Variants in CELF2 observed in about 807,000 individuals in gnomAD.
CELF2 encodes the protein CUG triplet repeat RNA-binding protein 2.
CELF2 carries 8 observed loss-of-function variants against 62.6 expected under a neutral mutation model. The ratio of observed to expected loss-of-function variants is 0.13; its 90% CI spans 0.07 to 0.23. CELF2 has a LOEUF of 0.23. Ranked by LOEUF, CELF2 falls within the 10% of genes least tolerant of loss-of-function variation. CELF2 has a pLI of 1.00. For missense variants in CELF2, 333 were observed against 671.0 expected, an observed-to-expected ratio of 0.50 and a Z score of 5.56; for synonymous variants, 258 against 250.0, an observed-to-expected ratio of 1.03 and a Z score of -0.30.
chr10:10,734,047 T>C, the CELF2 span, among the ~76,000 whole-genome samples: 1 of 152,238 alleles, frequency 6.6e-6, no homozygotes, highest in Non-Finnish European at 1.5e-5. Context: ...TATCAATTAC[T>C]AATTGTTCAA....
At chr10:10,467,085 A>G in the CELF2 span, among the ~76,000 whole-genome samples, 1 of 152,044 alleles carries the variant, frequency 6.6e-6, no homozygotes, top group Non-Finnish European at 1.5e-5. Context: ...AACATACCAC[A>G]ATATACCAAT....
At chr10:11,130,667 A>G (rs1052118624) in intron 1 of CELF2, among the ~76,000 whole-genome samples, 4 of 152,226 alleles carry the variant, frequency 2.6e-5, no homozygotes, top group African/African-American at 9.6e-5. Flanking sequence ...GACAGTTAGT[A>G]ATGTTGTGGG....
intron 1 of CELF2, among the ~76,000 whole-genome samples, chr10:10,848,470 G>A (rs1033471097): frequency 1.3e-5 from 2 of 152,150 alleles, no homozygotes; most frequent in African/African-American, 2.4e-5. Flanking sequence ...CCAGAAGACC[G>A]CTTCTTGGGA....
intron 2 of CELF2, among the ~76,000 whole-genome samples, chr10:11,213,907 T>C (rs770495063): frequency 1.3e-5 from 2 of 152,232 alleles, no homozygotes; most frequent in South Asian, 2.1e-4. Flanking sequence ...ACCCTTTTTC[T>C]TTTTTGGTCC....
the CELF2 span, among the ~76,000 whole-genome samples, chr10:10,542,383 G>A: frequency 4.6e-5 from 7 of 152,012 alleles, no homozygotes; most frequent in African/African-American, 7.3e-5. Context: ...AAAACACCAG[G>A]GCAAGTAGAA....
chr10:10,697,007 G>C, the CELF2 span, among the ~76,000 whole-genome samples: 1 of 152,082 alleles, frequency 6.6e-6, no homozygotes, highest in African/African-American at 2.4e-5. Context: ...TGCGATTATG[G>C]TGATTTTTAA....
intron 2 of CELF2, among the ~76,000 whole-genome samples, chr10:11,201,488 T>C (rs1412269458): frequency 6.6e-6 from 1 of 152,230 alleles, no homozygotes; most frequent in African/African-American, 2.4e-5. Flanking sequence ...TATGGAGGAC[T>C]CATATCTGCT....
the CELF2 span, among the ~76,000 whole-genome samples, chr10:10,752,594 GC>G: frequency 7.7e-6 from 1 of 130,338 alleles, no homozygotes; most frequent in African/African-American, 2.9e-5. Flanking sequence ...GGAGGCTGAG[GC>G]AGGGGAATCG....
chr10:10,768,460 C>T, the CELF2 span, among the ~76,000 whole-genome samples: 1 of 151,970 alleles, frequency 6.6e-6, no homozygotes, highest in African/African-American at 2.4e-5. Flanking sequence ...TATCCCAAGG[C>T]CCTGGAAAGA....
chr10:10,984,484 T>C (rs572091980), intron 2 of CELF2, among the ~76,000 whole-genome samples: 3 of 152,348 alleles, frequency 2.0e-5, no homozygotes, highest in Non-Finnish European at 4.4e-5. Context: ...GCCGTTTGAT[T>C]CTGACTCTAA....
chr10:11,194,004 C>T (rs2056737603), intron 2 of CELF2, among the ~76,000 whole-genome samples: 1 of 152,110 alleles, frequency 6.6e-6, no homozygotes, highest in African/African-American at 2.4e-5. Flanking sequence ...TGTTGAAACT[C>T]TCATTTTGGT....
intron 1 of CELF2, among the ~76,000 whole-genome samples, chr10:11,084,867 A>G (rs958792357): frequency 1.3e-5 from 2 of 152,222 alleles, no homozygotes; most frequent in Non-Finnish European, 2.9e-5. Context: ...TGCTAAGGTC[A>G]TCAGTATATA....
At chr10:10,894,648 C>T (rs1570438) in intron 1 of CELF2, among the ~76,000 whole-genome samples, 121,554 of 152,026 alleles carry the variant, frequency 0.8, 48,796 homozygotes, top group East Asian at 0.92. Context: ...AAGAAGGATC[C>T]ACTATGATTG....
chr10:11,274,859 TC>T lies in CELF2; in HGVS notation c.778-194del, dbSNP rs1156999644. ...TTTAAGGCAGCAGTGTTAGTGAGTT[TC>T]CCCAGTGTTTATGTTTCTTAATAGA... On this transcript the variant is annotated intron_variant, in intron 7 of 12. Coordinates refer to ENST00000633077, the MANE Select transcript of CELF2 (RefSeq NM_001326342.2). 1.4e-3 allele frequency among the ~76,000 whole-genome samples: 203 copies of T among 147,606 alleles called. 1 individual carries two copies. Among genetic ancestry groups the T allele is most frequent in the African/African-American group, 4.8e-3 (197 of 40,630 alleles).
rs372051059 is a variant in CELF2, at chr10:10,931,577, T to C, written c.89+11578T>C. ...ACACCTGGTGGCCCCTAATTCATCA[T>C]TGGGCACCACGGCACCCCTTCCAAA... On this transcript the variant is annotated intron_variant, in intron 2 of 13. Transcript: ENST00000636488. The surrounding 1 kb of genome is among the most constrained non-coding windows in gnomAD (Gnocchi z 6.1). 6.6e-6 allele frequency among the ~76,000 whole-genome samples: 1 copy of C among 152,288 alleles called. No homozygotes were observed. Among genetic ancestry groups the C allele is most frequent in the South Asian group, 2.1e-4 (1 of 4,822 alleles).
intron 1 of CELF2, among the ~76,000 whole-genome samples, chr10:11,082,448 G>A (rs1036155216): frequency 7.2e-5 from 11 of 152,268 alleles, no homozygotes; most frequent in African/African-American, 2.6e-4. Flanking sequence ...GGCTGGCCTG[G>A]GTGAGGCACT....
At chr10:11,155,930 C>T (rs2064284189) in intron 1 of CELF2, among the ~76,000 whole-genome samples, 2 of 152,136 alleles carry the variant, frequency 1.3e-5, no homozygotes, top group Admixed American at 1.3e-4. Flanking sequence ...GAGGAGAGAC[C>T]AGCCTGAGAT....
At chr10:10,766,879 G>A in the CELF2 span, among the ~76,000 whole-genome samples, 1 of 152,138 alleles carries the variant, frequency 6.6e-6, no homozygotes, top group Non-Finnish European at 1.5e-5. Flanking sequence ...TTCCTTGGAC[G>A]AACTTGTACC....
chr10:10,979,672 C>CAAAA lies in CELF2; in HGVS notation c.89+59695_89+59698dup, dbSNP rs35482385. Among the ~76,000 whole-genome samples, 275 of 68,950 alleles carry CAAAA rather than the reference C, an allele frequency of 4.0e-3. 4 individuals are homozygous for CAAAA. Among genetic ancestry groups the CAAAA allele is most frequent in the African/African-American group, 0.012 (256 of 21,214 alleles). The allele number at this position is 68,950 out of a possible 152,430, so 45.2% of individuals were successfully genotyped here. A position where few individuals can be genotyped will look rare whatever the true frequency, so the allele number is the denominator to read the frequency against. Reference sequence around the variant, plus strand: ...GGCGATAGAGCCAGACCTTGTCTCTCAAAAAAAAAAAAAAAAAAAAAAAAA... The same window carrying CAAAA: ...GGCGATAGAGCCAGACCTTGTCTCTCAAAAAAAAAAAAAAAAAAAAAAAAAAAAA... On this transcript the variant is annotated intron_variant, in intron 2 of 13. Coordinates refer to the CELF2 transcript ENST00000636488.
Sources: allele counts gnomAD v4.1 joint callset (sites outside exome capture counted in the v4.1 genomes callset), GRCh38; gene constraint gnomAD v4.1.1; non-coding constraint Gnocchi (gnomAD v3.1); transcripts MANE v1.5; gene names NCBI Gene and HGNC (gene_info 2026-07-23, HGNC 2026-07-21).